The following DNAJC11 variants were observed in gnomAD, a reference collection of about 807,000 sequenced individuals.
DNAJC11 encodes dnaJ homolog subfamily C member 11.
In DNAJC11, 15 loss-of-function variants were observed where a neutral mutation model predicts 78.6. The ratio of observed to expected loss-of-function variants is 0.19; its 90% CI spans 0.13 to 0.29. DNAJC11 has a LOEUF of 0.29. Ranked by LOEUF, DNAJC11 falls within the 10% of genes least tolerant of loss-of-function variation. The pLI is 1.00. For missense variants in DNAJC11, 547 were observed against 709.6 expected (o/e 0.77, Z 2.60); for synonymous variants, 292 against 272.1 (o/e 1.07, Z -0.72).
At chr1:6,643,491 G>A (rs1029936345) in intron 10 of DNAJC11, among the ~76,000 whole-genome samples, 2 of 151,932 alleles carry the variant, frequency 1.3e-5, no homozygotes, top group East Asian at 1.9e-4. Flanking sequence ...TAGCCAGGAT[G>A]GTCTCAATCT....
intron 4 of DNAJC11, among the ~76,000 whole-genome samples, chr1:6,667,427 C>T (rs1642309666): frequency 6.6e-6 from 1 of 152,060 alleles, no homozygotes; most frequent in East Asian, 1.9e-4. Context: ...TGTATATCTG[C>T]TTGGCGAAAC....
chr1:6,690,003 T>G (rs1340065012), intron 1 of DNAJC11, among the ~76,000 whole-genome samples: 2 of 152,214 alleles, frequency 1.3e-5, no homozygotes, highest in Non-Finnish European at 2.9e-5. Context: ...GCCTTGAGGT[T>G]GGTATCAGAC....
chr1:6,653,725 A>T lies in DNAJC11; in HGVS notation c.507+186T>A. 1 of 704,094 alleles carries T rather than the reference A, an allele frequency of 1.4e-6. No homozygotes were observed. The highest frequency in any genetic ancestry group is 1.8e-5 in the South Asian group (1 of 55,076). 43.6% of individuals were successfully genotyped at this position (704,094 alleles called of 1,614,324 possible). ...CCCCAGCCCACACTCCTGCTGGCTCACATGCCAGCACAGCGGTAACACACG... is the reference window on the plus strand; with the variant it reads ...CCCCAGCCCACACTCCTGCTGGCTCTCATGCCAGCACAGCGGTAACACACG... On this transcript the variant is annotated intron_variant, in intron 5 of 15. Coordinates refer to ENST00000377577, the MANE Select transcript of DNAJC11 (RefSeq NM_018198.4). This position sits in a 1 kb window ranked among gnomAD's most constrained non-coding sequence, Gnocchi z 4.5.
At chr1:6,635,766 G>A in intron 15 of DNAJC11, 66 bp from the exon 16 acceptor site, 1 of 1,591,050 alleles carries the variant, frequency 6.3e-7, no homozygotes, top group Non-Finnish European at 8.6e-7. Flanking sequence ...TTCTACTGAT[G>A]GGGCTCAGCA....
chr1:6,667,513 A>G (rs1443648885), intron 4 of DNAJC11, among the ~76,000 whole-genome samples, 196 bp downstream of exon 4: 1 of 152,180 alleles, frequency 6.6e-6, no homozygotes. Flanking sequence ...GGAGATGAGC[A>G]GCAGTGTGGC....
chr1:6,695,560 G>A (rs146733240), intron 1 of DNAJC11, among the ~76,000 whole-genome samples: 1 of 144,534 alleles, frequency 6.9e-6, no homozygotes, highest in African/African-American at 2.5e-5. Flanking sequence ...GGGAGGCCGA[G>A]GCGGATGGAT....
chr1:6,667,344 C>G (rs971534696), intron 4 of DNAJC11, among the ~76,000 whole-genome samples: 12 of 152,170 alleles, frequency 7.9e-5, no homozygotes, highest in African/African-American at 2.9e-4. Flanking sequence ...GCCCTGCCTG[C>G]CTCTGTCCTC....
At chr1:6,683,534 CTTCT>C (rs2147880548) in intron 1 of DNAJC11, among the ~76,000 whole-genome samples, 1 of 152,334 alleles carries the variant, frequency 6.6e-6, no homozygotes, top group East Asian at 1.9e-4. Flanking sequence ...GACAATAGTG[CTTCT>C]TTCTGAGTCT....
chr1:6,693,074 T>C (rs529529102), intron 1 of DNAJC11, among the ~76,000 whole-genome samples: 1 of 149,242 alleles, frequency 6.7e-6, no homozygotes, highest in African/African-American at 2.5e-5. Context: ...CCCGGCTAAT[T>C]TTTTTTTTTC....
chr1:6,692,609 A>AAT (rs1553131594), intron 1 of DNAJC11, among the ~76,000 whole-genome samples: 1 of 127,380 alleles, frequency 7.9e-6, no homozygotes, highest in African/African-American at 3.0e-5. Flanking sequence ...TGCTTCAGGA[A>AAT]TTTTTTTTTT....
intron 1 of DNAJC11, among the ~76,000 whole-genome samples, chr1:6,685,206 C>A (rs991823952): frequency 6.6e-6 from 1 of 152,212 alleles, no homozygotes; most frequent in Non-Finnish European, 1.5e-5. Context: ...GTCTGTACCA[C>A]GATTGCATTT....
At position 6,635,756 on chromosome 1, in the gene DNAJC11, T is replaced by G. The variant is rs1641753842; in HGVS notation, c.1655-56A>C. The stretch of plus-strand genomic sequence containing the variant: ...AGAAGGTGGCCATTCCCATGCACCT[T>G]TCTACTGATGGGGCTCAGCAGTCAC... On this transcript the variant is annotated intron_variant, in intron 15 of 15. Transcript: ENST00000377577. 3 of 1,602,496 alleles carry G rather than the reference T, an allele frequency of 1.9e-6. No homozygotes were observed. The African/African-American group carries it at 4.0e-5, about 21-fold the overall frequency.
chr1:6,695,627 T>TAAAAAAAAAAAAA (rs70984004), intron 1 of DNAJC11, among the ~76,000 whole-genome samples: 5 of 83,004 alleles, frequency 6.0e-5, no homozygotes, highest in South Asian at 5.0e-4. Flanking sequence ...CTATCTCTAC[T>TAAAAAAAAAAAAA]AAAAAAAAAA....
chr1:6,645,138 G>A lies in DNAJC11; in HGVS notation c.895-12C>T, dbSNP rs1004352610. The A allele has an allele frequency of 1.2e-6, 2 of 1,609,120 alleles. No homozygotes were observed. Among genetic ancestry groups the A allele is most frequent in the Non-Finnish European group, 1.7e-6 (2 of 1,175,882 alleles). On this transcript the variant is annotated splice_polypyrimidine_tract_variant and intron_variant, in intron 8 of 15. Coordinates refer to ENST00000377577, the MANE Select transcript of DNAJC11 (RefSeq NM_018198.4). The surrounding 1 kb of genome is among the most constrained non-coding windows in gnomAD (Gnocchi z 4.1). ...TGAGGGATTCCCAGCTGGGGAGACA[G>A]AGGGTGCAAGGATGCGTGGCTAGGG...
intron 4 of DNAJC11, among the ~76,000 whole-genome samples, chr1:6,654,944 G>A (rs773330597): frequency 2.5e-4 from 38 of 151,992 alleles, no homozygotes; most frequent in Non-Finnish European, 4.9e-4. Flanking sequence ...GACTACAGGC[G>A]CACGCCACCA....
chr1:6,700,332 A>T (rs942011453), intron 1 of DNAJC11, among the ~76,000 whole-genome samples: 1 of 152,222 alleles, frequency 6.6e-6, no homozygotes, highest in Non-Finnish European at 1.5e-5. Flanking sequence ...GACTCAGCCC[A>T]TACGCACCCA....
In DNAJC11 at chr1:6,653,399, G is replaced by T. The variant is rs1642084223; in HGVS notation, c.508-448C>A. Among the ~76,000 whole-genome samples, 1 of 152,158 alleles carries T rather than the reference G, an allele frequency of 6.6e-6. No homozygotes were observed. Among genetic ancestry groups the T allele is most frequent in the African/African-American group, 2.4e-5 (1 of 41,440 alleles). The stretch of plus-strand genomic sequence containing the variant: ...CTCCACGTTGTTGGCTGATGCAATG[G>T]AGAATAAATTAATGAGCTGAGGAGA... On this transcript the variant is annotated intron_variant, in intron 5 of 15. Transcript: ENST00000377577. This position sits in a 1 kb window ranked among gnomAD's most constrained non-coding sequence, Gnocchi z 4.5.
At chr1:6,657,932 C>A (rs947633190) in intron 4 of DNAJC11, among the ~76,000 whole-genome samples, 38 of 152,242 alleles carry the variant, frequency 2.5e-4, no homozygotes, top group African/African-American at 5.3e-4. Context: ...GGCGTGAGCC[C>A]CCATGCCCAG....
intron 10 of DNAJC11, among the ~76,000 whole-genome samples, chr1:6,640,359 GGA>G (rs534986264): frequency 1.6e-3 from 250 of 152,312 alleles, no homozygotes; most frequent in Non-Finnish European, 2.9e-3. Context: ...GTCATAGGCT[GGA>G]GAGGACAGGA....
Sources: allele counts gnomAD v4.1 joint callset (sites outside exome capture counted in the v4.1 genomes callset), GRCh38; gene constraint gnomAD v4.1.1; non-coding constraint Gnocchi (gnomAD v3.1); transcripts MANE v1.5; gene names NCBI Gene and HGNC (gene_info 2026-07-23, HGNC 2026-07-21).